BARD1: variants seen among roughly 807,000 people sequenced by gnomAD.
BARD1 encodes BRCA1-associated RING domain protein 1.
Under a neutral mutation model 77.0 loss-of-function variants are expected in BARD1, and 73 were observed. The ratio of observed to expected loss-of-function variants is 0.95; its 90% confidence interval spans 0.79 to 1.15. The LOEUF (loss-of-function observed/expected upper bound fraction) is 1.15, where lower values mean the gene tolerates loss of function less well. Ranked by LOEUF, BARD1 falls within the 50% of genes most tolerant of loss-of-function variation. BARD1 has a pLI of 0.00. For synonymous variants in BARD1, 384 were observed against 338.0 expected, an observed-to-expected ratio of 1.14 and a Z score of -1.49; for missense variants, 993 against 938.8, an observed-to-expected ratio of 1.06 and a Z score of -0.75.
At chr2:214,777,526 T>C (rs530860618) in intron 4 of BARD1, among the ~76,000 whole-genome samples, 6 of 152,132 alleles carry the variant, frequency 3.9e-5, no homozygotes, top group East Asian at 1.9e-4. Context: ...TAAGAAACAA[T>C]ACAACGCAAG....
intron 9 of BARD1, among the ~76,000 whole-genome samples, chr2:214,733,823 T>C (rs940881043): frequency 2.0e-5 from 3 of 152,166 alleles, no homozygotes; most frequent in African/African-American, 7.2e-5. Flanking sequence ...TCATGGTATA[T>C]CTAATAACAA....
At chr2:214,787,312 C>T (rs1695317700) in intron 3 of BARD1, among the ~76,000 whole-genome samples, 1 of 151,792 alleles carries the variant, frequency 6.6e-6, no homozygotes. Flanking sequence ...AGATAATATA[C>T]TCAATGTAAT....
chr2:214,754,428 T>C (rs980212898), intron 6 of BARD1, among the ~76,000 whole-genome samples: 1 of 149,988 alleles, frequency 6.7e-6, no homozygotes, highest in African/African-American at 2.5e-5. Context: ...CTCAAAAAAA[T>C]AAAATCTAAG....
rs528333910 is a variant in BARD1 at position 214,771,651 on chromosome 2, C to A, written c.1315-2339G>T. ...GCTGAGACAGGAGAACTGCTTGAAC[C>A]CAGGAGGCGGAGGTTGCAGTGAGTT... On this transcript the variant is annotated intron_variant, in intron 4 of 10. Coordinates refer to ENST00000260947, the MANE Select transcript of BARD1 (RefSeq NM_000465.4). Among the ~76,000 whole-genome samples, 115 of 151,874 alleles carry A rather than the reference C, an allele frequency of 7.6e-4. 1 individual carries two copies. The highest frequency in any genetic ancestry group is 1.5e-3 in the Non-Finnish European group (102 of 67,986).
chr2:214,759,471 CT>C (rs1267366660), intron 6 of BARD1, among the ~76,000 whole-genome samples: 2 of 151,880 alleles, frequency 1.3e-5, no homozygotes, highest in African/African-American at 2.4e-5. Flanking sequence ...GATTATAAAT[CT>C]TTTTTTCATG....
chr2:214,800,972 G>GA (rs995269139), intron 1 of BARD1, among the ~76,000 whole-genome samples: 23 of 148,576 alleles, frequency 1.5e-4, no homozygotes, highest in African/African-American at 2.5e-4. Context: ...ATCTAAAATG[G>GA]AAAAAAAAAT....
intron 9 of BARD1, among the ~76,000 whole-genome samples, chr2:214,744,259 A>C (rs1325756486): frequency 6.6e-6 from 1 of 152,154 alleles, no homozygotes; most frequent in African/African-American, 2.4e-5. Flanking sequence ...TTTTCAGTGG[A>C]GGTTGAGATA....
chr2:214,734,266 C>T (rs1237606617), intron 9 of BARD1, among the ~76,000 whole-genome samples: 1 of 151,812 alleles, frequency 6.6e-6, no homozygotes, highest in Non-Finnish European at 1.5e-5. Context: ...AATACACAGC[C>T]AGAGTTTTAG....
intron 6 of BARD1, among the ~76,000 whole-genome samples, chr2:214,764,062 T>A (rs1694084848): frequency 6.6e-6 from 1 of 152,192 alleles, no homozygotes; most frequent in Non-Finnish European, 1.5e-5. Flanking sequence ...AGGAACCAGT[T>A]CAACCACCTT....
chr2:214,764,921 C>T (rs1394533367), intron 6 of BARD1, among the ~76,000 whole-genome samples: 2 of 151,392 alleles, frequency 1.3e-5, no homozygotes, highest in Non-Finnish European at 2.9e-5. Flanking sequence ...AGCCACCATA[C>T]TCTTGTACCC....
At position 214,745,708 on chromosome 2, in the gene BARD1, T is replaced by G; in HGVS notation, c.1810+14A>C. The G allele has an allele frequency of 6.2e-7, 1 of 1,613,972 alleles. No individual in the cohort carries two copies. The highest frequency in any genetic ancestry group is 8.5e-7 in the Non-Finnish European group (1 of 1,179,906). On this transcript the variant is annotated intron_variant, in intron 8 of 10. Coordinates refer to ENST00000260947, the MANE Select transcript of BARD1 (RefSeq NM_000465.4). ...ATTTTTTCTACCCCACCTCCCAAAA[T>G]TCAAAATCCTCACCTGTACTGTCAA...
At chr2:214,784,460 A>C (rs958513123) in intron 3 of BARD1, among the ~76,000 whole-genome samples, 7 of 152,180 alleles carry the variant, frequency 4.6e-5, no homozygotes, top group African/African-American at 1.7e-4. Flanking sequence ...ATTGTGGAAG[A>C]CAGTGTGGCA....
chr2:214,729,985 TTC>T (rs1171936924), intron 10 of BARD1, among the ~76,000 whole-genome samples: 1 of 152,190 alleles, frequency 6.6e-6, no homozygotes, highest in Non-Finnish European at 1.5e-5. Context: ...TAAAAAAAGT[TTC>T]ATAATTCCCT....
intron 4 of BARD1, among the ~76,000 whole-genome samples, chr2:214,770,282 G>A (rs564494018): frequency 1.1e-4 from 16 of 152,240 alleles, no homozygotes; most frequent in Admixed American, 2.6e-4. Context: ...TCAACTATAC[G>A]AAATAGAGCT....
intron 3 of BARD1, among the ~76,000 whole-genome samples, chr2:214,782,667 C>T (rs1222832496): frequency 6.6e-6 from 1 of 152,006 alleles, no homozygotes; most frequent in Non-Finnish European, 1.5e-5. Context: ...TTACACTCAC[C>T]TGCTACTTTA....
chr2:214,761,515 T>G (rs539068426), intron 6 of BARD1, among the ~76,000 whole-genome samples: 1 of 152,242 alleles, frequency 6.6e-6, no homozygotes, highest in African/African-American at 2.4e-5. Flanking sequence ...TTTAATATTT[T>G]TAAATGTATT....
chr2:214,778,488 C>G (rs1041183785), intron 4 of BARD1, among the ~76,000 whole-genome samples: 1 of 152,002 alleles, frequency 6.6e-6, no homozygotes, highest in African/African-American at 2.4e-5. Context: ...TCTAAGCAAA[C>G]TGACAAAACT....
At chr2:214,748,441 A>G (rs2106027553) in intron 7 of BARD1, among the ~76,000 whole-genome samples, 1 of 152,250 alleles carries the variant, frequency 6.6e-6, no homozygotes, top group Non-Finnish European at 1.5e-5. Context: ...ATTAAATTCA[A>G]AGGAATAATT....
chr2:214,760,317 C>T (rs1205176488), intron 6 of BARD1, among the ~76,000 whole-genome samples: 1 of 152,098 alleles, frequency 6.6e-6, no homozygotes, highest in African/African-American at 2.4e-5. Context: ...CTCAGCCTCC[C>T]GAGTAGCTGG....
Sources: gnomAD v4.1 joint callset for allele counts (sites outside exome capture counted in the v4.1 genomes callset) on GRCh38, gnomAD v4.1.1 for gene constraint, MANE v1.5 for transcripts, NCBI Gene and HGNC (gene_info 2026-07-23, HGNC 2026-07-21) for gene names.